Variants in HM13 observed in about 807,000 individuals in gnomAD.
The protein encoded by HM13 is signal peptide peptidase.
Under a neutral mutation model 50.0 loss-of-function variants are expected in HM13, and 18 were observed. The ratio of observed to expected loss-of-function variants is 0.36; its 90% CI spans 0.25 to 0.53. HM13 has a LOEUF of 0.53. HM13 is among the 20% of genes least tolerant of loss of function. HM13 has a pLI of 0.90. For synonymous variants in HM13, 197 were observed against 232.6 expected (o/e 0.85, Z 1.39); for missense variants, 393 against 552.4 (o/e 0.71, Z 2.89).
At chr20:31,550,222 T>G in intron 7 of HM13, 101 bp downstream of exon 7, 1 of 842,306 alleles carries the variant, frequency 1.2e-6, no homozygotes, top group Non-Finnish European at 2.1e-6. Flanking sequence ...CTCTTCCCCA[T>G]GTACCTCTTC....
chr20:31,546,088 C>A (rs1003993126), intron 4 of HM13, among the ~76,000 whole-genome samples: 1 of 144,270 alleles, frequency 6.9e-6, no homozygotes, highest in Non-Finnish European at 1.5e-5. Context: ...CTCGCTCTGT[C>A]GCCCAGGCTG....
chr20:31,558,405 C>G (rs1984432933), intron 8 of HM13, among the ~76,000 whole-genome samples: 1 of 152,144 alleles, frequency 6.6e-6, no homozygotes, highest in South Asian at 2.1e-4. Context: ...GATAAAGACC[C>G]AACTCCTCCC....
At chr20:31,549,694 C>CG (rs1427159031) in intron 6 of HM13, among the ~76,000 whole-genome samples, 2 of 152,194 alleles carry the variant, frequency 1.3e-5, no homozygotes, top group Non-Finnish European at 2.9e-5. Context: ...CACATTCACT[C>CG]TGAGAGGCAT....
In HM13 at chr20:31,563,794, C is replaced by T. The variant is rs563518581; in HGVS notation, c.948+2058C>T. ...GGCTTTACGTTAAGAATGAAGTCTCCGGCCAGGCGTGGTGGCTCACACCTG... is the reference window on the plus strand; with the variant it reads ...GGCTTTACGTTAAGAATGAAGTCTCTGGCCAGGCGTGGTGGCTCACACCTG... On this transcript the variant is annotated intron_variant, in intron 10 of 12. Transcript: ENST00000398174. 9.9e-5 allele frequency among the ~76,000 whole-genome samples: 15 copies of T among 151,940 alleles called. No individual in the cohort carries two copies. In the South Asian group the frequency reaches 2.3e-3, roughly 23 times the overall value.
At chr20:31,543,670 G>A (rs1252805331) in intron 3 of HM13, among the ~76,000 whole-genome samples, 4 of 151,774 alleles carry the variant, frequency 2.6e-5, no homozygotes, top group African/African-American at 7.3e-5. Context: ...GGTGGCTTAC[G>A]CCTGTAATCC....
intron 2 of HM13, 114 bp from the exon 3 acceptor site, chr20:31,538,063 CTG>C (rs1273662488): frequency 8.4e-7 from 1 of 1,185,608 alleles, no homozygotes; most frequent in Non-Finnish European, 1.2e-6. Flanking sequence ...CTCTTCCTGA[CTG>C]TCCCCCGACT....
chr20:31,531,114 G>A (rs1006337672), intron 2 of HM13, among the ~76,000 whole-genome samples: 5 of 148,702 alleles, frequency 3.4e-5, no homozygotes, highest in Non-Finnish European at 6.0e-5. Context: ...GCACATTCTC[G>A]GCTCACTGCA....
At position 31,568,224 on chromosome 20, in the gene HM13, T is replaced by C. The variant is rs1355538765; in HGVS notation, c.1181T>C (p.Ile394Thr). 6.2e-7 allele frequency: 1 copy of C among 1,612,196 alleles called. No individual in the cohort carries two copies. Among genetic ancestry groups the C allele is most frequent in the Non-Finnish European group, 8.5e-7 (1 of 1,179,634 alleles). Residue 394 changes from isoleucine (I) to threonine (T), a missense_variant and splice_region_variant, in exon 12 of 13, where the codon ATT becomes ACT. Physicochemically the swap from Ile to Thr is moderately conservative, Grantham distance 89. This residue lies in a region of HM13 where 105 missense variants were observed against 115.9 expected (regional missense o/e 0.91). Coordinates refer to ENST00000398174, the MANE Select transcript of HM13 (RefSeq NM_178581.3). ...CGGCGCCCGCAGAATCCCAGCGCCA[T>C]GTAATGCCCAGCGGGTGCCCACCTG... is the stretch of plus-strand genomic sequence containing the variant. ...RRRRPQNPSA[I>T]YEESNPKDPA...
intron 1 of HM13, among the ~76,000 whole-genome samples, chr20:31,522,860 A>AG (rs1329360043): frequency 7.5e-6 from 1 of 132,548 alleles, no homozygotes; most frequent in Non-Finnish European, 1.5e-5. Context: ...TGAGGCTTAG[A>AG]GAAAAAAAAA....
intron 1 of HM13, among the ~76,000 whole-genome samples, chr20:31,521,032 T>A (rs1258581458): frequency 6.6e-6 from 1 of 152,262 alleles, no homozygotes; most frequent in African/African-American, 2.4e-5. Context: ...GCTGTTTGTG[T>A]CAGGTTTTTC....
At chr20:31,535,542 G>A (rs1175053750) in intron 2 of HM13, 1 of 152,230 alleles carries the variant, frequency 6.6e-6, no homozygotes, top group Non-Finnish European at 1.5e-5. Flanking sequence ...GCCTGAGAGT[G>A]ATTTGTCCCA....
At chr20:31,539,090 C>T (rs1319999489) in intron 3 of HM13, 4 of 985,376 alleles carry the variant, frequency 4.1e-6, no homozygotes, top group African/African-American at 1.7e-5. Flanking sequence ...CTAACTCAAA[C>T]TGCCACATGC....
Position 31,569,192 on chromosome 20 carries a change from G to A in HM13, c.1254G>A (p.Ser418=), listed in dbSNP as rs151175628. 2.4e-5 allele frequency: 38 copies of A among 1,598,866 alleles called. No individual in the cohort carries two copies. Among genetic ancestry groups the A allele is most frequent in the Middle Eastern group, 1.9e-4 (1 of 5,146 alleles). The change falls in exon 13 of 13, where the codon TCG becomes TCA. Residue 418 remains serine (S), a synonymous_variant. Transcript: ENST00000398174. ...AAGAGGGAACAGAGGCATCAGCATC[G>A]AAGGGGCTGGAGAAGAAAGAGAAAT... The part of the protein sequence containing the change: ...ESKEGTEASA[S]KGLEKKEK
intron 8 of HM13, among the ~76,000 whole-genome samples, chr20:31,556,268 C>T (rs1984311037): frequency 2.0e-5 from 3 of 151,906 alleles, no homozygotes; most frequent in African/African-American, 7.3e-5. Flanking sequence ...AAACTCCCGA[C>T]CTCAGGTGAT....
intron 2 of HM13, among the ~76,000 whole-genome samples, chr20:31,533,905 G>A (rs770366489): frequency 1.3e-5 from 2 of 152,018 alleles, no homozygotes; most frequent in Non-Finnish European, 2.9e-5. Context: ...TTACAGGCAG[G>A]GTCTTACTCT....
intron 7 of HM13, 109 bp downstream of exon 7, chr20:31,550,230 T>G: frequency 1.2e-6 from 1 of 800,378 alleles, no homozygotes. Flanking sequence ...CATGTACCTC[T>G]TCCTCCTGTG....
chr20:31,527,299 C>A (rs1276695848), intron 1 of HM13, among the ~76,000 whole-genome samples, 185 bp from the exon 2 acceptor site: 4 of 151,522 alleles, frequency 2.6e-5, no homozygotes, highest in African/African-American at 9.7e-5. Context: ...GATTGTGCCA[C>A]TTCATTCCAG....
At chr20:31,550,493 C>T (rs527613068) in intron 7 of HM13, 9 of 205,034 alleles carry the variant, frequency 4.4e-5, no homozygotes, top group Non-Finnish European at 9.1e-5. Flanking sequence ...CTGTCTATCC[C>T]GTGCCTCTCA....
At chr20:31,536,865 T>C (rs1983143905) in intron 2 of HM13, among the ~76,000 whole-genome samples, 1 of 152,244 alleles carries the variant, frequency 6.6e-6, no homozygotes, top group Non-Finnish European at 1.5e-5. Context: ...GGTTTGCTTT[T>C]CTTAGTGCCC....
Sources: gnomAD v4.1 joint callset for allele counts (sites outside exome capture counted in the v4.1 genomes callset) on GRCh38, gnomAD v4.1.1 for gene constraint, gnomAD v4.1.1 regional missense constraint, MANE v1.5 for transcripts, NCBI Gene and HGNC (gene_info 2026-07-23, HGNC 2026-07-21) for gene names.